The following SPOCK3 variants were observed in gnomAD, a reference collection of about 807,000 sequenced individuals.
SPOCK3 encodes SPARC (osteonectin), cwcv and kazal like domains proteoglycan 3, also known as testican-3.
In SPOCK3, 30 loss-of-function variants were observed where a neutral mutation model predicts 56.6. That is an observed-to-expected ratio of 0.53 (90% CI 0.40 to 0.72). SPOCK3 has a LOEUF of 0.72. SPOCK3 is among the 30% of genes least tolerant of loss of function. SPOCK3 has a pLI of 0.00. For synonymous variants in SPOCK3, 196 were observed against 183.3 expected, an observed-to-expected ratio of 1.07 and a Z score of -0.56; for missense variants, 527 against 530.0, an observed-to-expected ratio of 0.99 and a Z score of 0.06.
chr4:167,080,975 G>A (rs1286845070), intron 2 of SPOCK3, among the ~76,000 whole-genome samples: 1 of 150,398 alleles, frequency 6.6e-6, no homozygotes, highest in East Asian at 2.0e-4. Flanking sequence ...CCTCCTCCTG[G>A]GTTCAAGTGA....
chr4:166,790,645 G>C (rs1182886175), intron 7 of SPOCK3, among the ~76,000 whole-genome samples: 4 of 152,146 alleles, frequency 2.6e-5, no homozygotes, highest in Non-Finnish European at 5.9e-5. Context: ...TTTATTGACA[G>C]AAAAAGCTAG....
intron 7 of SPOCK3, among the ~76,000 whole-genome samples, chr4:166,775,522 A>G (rs1739427630): frequency 6.6e-6 from 1 of 152,178 alleles, no homozygotes; most frequent in African/African-American, 2.4e-5. Flanking sequence ...TAAATGTAAG[A>G]TTCTGGGCAT....
chr4:167,058,739 G>T (rs1378434644), intron 3 of SPOCK3, among the ~76,000 whole-genome samples: 1 of 152,128 alleles, frequency 6.6e-6, no homozygotes, highest in Non-Finnish European at 1.5e-5. Context: ...CACTCTACCT[G>T]ACTTCAAACT....
chr4:167,117,643 G>C (rs1163949107), intron 2 of SPOCK3, among the ~76,000 whole-genome samples: 1 of 152,026 alleles, frequency 6.6e-6, no homozygotes, highest in Non-Finnish European at 1.5e-5. Context: ...ACTGAGGTCT[G>C]GGGGCAGAGC....
intron 3 of SPOCK3, among the ~76,000 whole-genome samples, chr4:167,012,538 C>G (rs1432054579): frequency 6.6e-6 from 1 of 151,742 alleles, no homozygotes; most frequent in African/African-American, 2.4e-5. Context: ...CTCTTTAGCA[C>G]TTGGGGAAAA....
chr4:167,136,357 A>AT (rs542143883), intron 2 of SPOCK3, among the ~76,000 whole-genome samples: 2 of 152,036 alleles, frequency 1.3e-5, no homozygotes, highest in Non-Finnish European at 2.9e-5. Context: ...ATGCTTTGAA[A>AT]TTTTTTCTTA....
chr4:166,961,637 C>T (rs1744158133), intron 4 of SPOCK3, among the ~76,000 whole-genome samples: 1 of 151,956 alleles, frequency 6.6e-6, no homozygotes, highest in African/African-American at 2.4e-5. Context: ...CAATTCTGCT[C>T]TTTGAGTTCT....
intron 4 of SPOCK3, among the ~76,000 whole-genome samples, chr4:166,973,192 C>T (rs1745580225): frequency 6.6e-6 from 1 of 152,150 alleles, no homozygotes; most frequent in Non-Finnish European, 1.5e-5. Flanking sequence ...CCTCCCCACT[C>T]TCTCCCACTG....
chr4:167,083,396 C>G (rs1004035833), intron 2 of SPOCK3: 2 of 744,382 alleles, frequency 2.7e-6, no homozygotes, highest in African/African-American at 3.4e-5. Flanking sequence ...CTCTAAGTGT[C>G]CCTGTGGCTG....
intron 2 of SPOCK3, among the ~76,000 whole-genome samples, chr4:167,114,503 T>C (rs1056999794): frequency 6.6e-6 from 1 of 152,048 alleles, no homozygotes; most frequent in Non-Finnish European, 1.5e-5. Context: ...CTTGCACGTG[T>C]CTCCTCTAAT....
At chr4:167,059,954 C>A (rs531300621) in intron 3 of SPOCK3, among the ~76,000 whole-genome samples, 30 of 148,720 alleles carry the variant, frequency 2.0e-4, no homozygotes, top group African/African-American at 5.5e-4. Context: ...TTGAACAATG[C>A]GAACACATGG....
intron 6 of SPOCK3, among the ~76,000 whole-genome samples, chr4:166,804,286 T>C (rs1430727047): frequency 6.6e-6 from 1 of 152,158 alleles, no homozygotes; most frequent in Non-Finnish European, 1.5e-5. Flanking sequence ...CAGCAGGTTT[T>C]CTTTGTCCTG....
At chr4:166,806,008 T>C (rs978186145) in intron 6 of SPOCK3, among the ~76,000 whole-genome samples, 15 of 152,096 alleles carry the variant, frequency 9.9e-5, no homozygotes, top group African/African-American at 3.6e-4. Context: ...TTATACTCCA[T>C]ACACTGGATT....
intron 2 of SPOCK3, among the ~76,000 whole-genome samples, chr4:167,200,254 C>A (rs1010066882): frequency 6.6e-6 from 1 of 151,986 alleles, no homozygotes; most frequent in Non-Finnish European, 1.5e-5. Context: ...TTAGATATTT[C>A]TATGTATTCA....
intron 4 of SPOCK3, among the ~76,000 whole-genome samples, chr4:166,961,734 A>G (rs978939061): frequency 1.3e-5 from 2 of 152,176 alleles, no homozygotes; most frequent in African/African-American, 4.8e-5. Context: ...TTGCAATTCA[A>G]GAATCAAACA....
intron 8 of SPOCK3, among the ~76,000 whole-genome samples, chr4:166,753,756 T>G (rs1196760394): frequency 1.3e-5 from 2 of 152,026 alleles, no homozygotes; most frequent in East Asian, 3.9e-4. Flanking sequence ...ACATCAACAT[T>G]ACACTTACCA....
At chr4:166,954,483 T>C (rs1743136661) in intron 4 of SPOCK3, among the ~76,000 whole-genome samples, 1 of 152,182 alleles carries the variant, frequency 6.6e-6, no homozygotes, top group African/African-American at 2.4e-5. Flanking sequence ...TTTTTGTATA[T>C]ATTGAGAGAT....
chr4:167,220,801 C>T (rs1735836367), intron 2 of SPOCK3, among the ~76,000 whole-genome samples: 1 of 151,966 alleles, frequency 6.6e-6, no homozygotes, highest in Admixed American at 6.6e-5. Flanking sequence ...AAATATAGTA[C>T]CTCTGTAGGG....
At chr4:166,745,575 A>G (rs1246216286) in intron 8 of SPOCK3, among the ~76,000 whole-genome samples, 1 of 152,252 alleles carries the variant, frequency 6.6e-6, no homozygotes, top group African/African-American at 2.4e-5. Context: ...AAGAAACTGC[A>G]TAAACTAATA....
Sources: gnomAD v4.1 joint callset for allele counts (sites outside exome capture counted in the v4.1 genomes callset) on GRCh38, gnomAD v4.1.1 for gene constraint, MANE v1.5 for transcripts, NCBI Gene and HGNC (gene_info 2026-07-23, HGNC 2026-07-21) for gene names.